Variants in GYS1 observed in about 807,000 individuals in gnomAD.
GYS1 encodes the protein glycogen synthase 1, also known as glycogen [starch] synthase, muscle.
GYS1 carries 60 observed loss-of-function variants against 89.1 expected under a neutral mutation model. The observed-to-expected ratio is 0.67, with a 90% confidence interval of 0.55 to 0.84. The LOEUF (loss-of-function observed/expected upper bound fraction) is 0.84. GYS1 is among the 40% of genes least tolerant of loss of function. The pLI is 0.00. For synonymous variants in GYS1, 366 were observed against 401.7 expected (o/e 0.91, Z 1.06); for missense variants, 888 against 1,003.1 (o/e 0.89, Z 1.55).
chr19:48,982,707 A>G lies in GYS1; in HGVS notation c.941+13T>C. On this transcript the variant is annotated intron_variant, in intron 6 of 15. Coordinates refer to ENST00000323798, the MANE Select transcript of GYS1 (RefSeq NM_002103.5). Reference sequence around the variant, plus strand: ...CCCTCCTCTCTTAAGACCTAGGTATATGCCCCACGTACCCATAAAAATGGC... The same window carrying G: ...CCCTCCTCTCTTAAGACCTAGGTATGTGCCCCACGTACCCATAAAAATGGC... The G allele has an allele frequency of 6.6e-7, 1 of 1,518,164 alleles. No homozygotes were observed. 94.0% of individuals were successfully genotyped at this position (1,518,164 alleles called of 1,614,324 possible).
At position 48,982,423 on chromosome 19, in the gene GYS1, G is replaced by C. The variant is rs781185611; in HGVS notation, c.942-48C>G. ...TAAAGCCCAAAGCCCTCACCCGCTA[G>C]CCCTGGCCTCAAAACTACAAATCCC... On this transcript the variant is annotated intron_variant, in intron 6 of 15. Coordinates refer to ENST00000323798, the MANE Select transcript of GYS1 (RefSeq NM_002103.5). The C allele has an allele frequency of 3.1e-6, 5 of 1,611,796 alleles. No homozygotes were observed. The Admixed American group carries it at 6.7e-5, about 22-fold the overall frequency.
chr19:48,985,586 G>C lies in GYS1; in HGVS notation c.698C>G (p.Ala233Gly). Residue 233 changes from alanine (A) to glycine (G), a missense_variant, in exon 5 of 16, where the codon GCA becomes GGA. Transcript: ENST00000323798. The part of the protein sequence containing the change: ...NLENFNVDKE[A>G]GERQIYHRYC... ...TCGGTGGTAGATCTGCCTCTCCCCTGCTTCCTTGTCCACGTTGAACTGGGT... is the reference window on the plus strand; with the variant it reads ...TCGGTGGTAGATCTGCCTCTCCCCTCCTTCCTTGTCCACGTTGAACTGGGT... The C allele has an allele frequency of 6.2e-7, 1 of 1,614,060 alleles. No individual in the cohort carries two copies. The highest frequency in any genetic ancestry group is 8.5e-7 in the Non-Finnish European group (1 of 1,179,996).
At chr19:48,972,587 T>A (rs1331926494) in intron 12 of GYS1, among the ~76,000 whole-genome samples, 1 of 151,954 alleles carries the variant, frequency 6.6e-6, no homozygotes, top group African/African-American at 2.4e-5. Context: ...CAAACGATTC[T>A]CCCACCTCAA....
chr19:48,969,902 C>T lies in GYS1; in HGVS notation c.1810-47G>A, dbSNP rs187926274. 5,341 of 1,337,964 alleles carry T rather than the reference C, an allele frequency of 4.0e-3. 25 individuals carry two copies. Among genetic ancestry groups the T allele is most frequent in the Non-Finnish European group, 4.4e-3 (4,070 of 930,108 alleles). 82.9% of individuals were successfully genotyped at this position (1,337,964 alleles called of 1,614,324 possible). A position where few individuals can be genotyped will look rare whatever the true frequency, so the allele number is the denominator to read the frequency against. On this transcript the variant is annotated intron_variant, in intron 14 of 15. Coordinates refer to ENST00000323798, the MANE Select transcript of GYS1 (RefSeq NM_002103.5). ...GGCAGAGGATGTGAGAGCCAGGCCC[C>T]ACCCCCAGGCAGATGATGGGGGTCT... is the stretch of plus-strand genomic sequence containing the variant.
In GYS1 at chr19:48,985,934, T is replaced by C. The variant is rs2038836512; in HGVS notation, c.594A>G (p.Val198=). The C allele has an allele frequency of 6.2e-7, 1 of 1,614,192 alleles. No individual in the cohort carries two copies. The highest frequency in any genetic ancestry group is 8.5e-7 in the Non-Finnish European group (1 of 1,180,046). ...TGGCATGGGTGGTGAAGATGGTTGC[T>C]ACAGGCAGTCGCCGGGCACGACACA... ...LCLCRARRLP[V]ATIFTTHATL... Residue 198 remains valine (V), a synonymous_variant, in exon 4 of 16, where the codon GTA becomes GTG. Transcript: ENST00000323798.
chr19:48,986,163 C>T (rs929416651), intron 3 of GYS1, 128 bp from the exon 4 acceptor site: 3 of 825,374 alleles, frequency 3.6e-6, no homozygotes, highest in East Asian at 2.7e-5. Context: ...GGGCAGCGGC[C>T]CACTGCAGCA....
At chr19:48,971,172 G>A (rs905808434) in intron 12 of GYS1, 149 bp from the exon 13 acceptor site, 5 of 701,344 alleles carry the variant, frequency 7.1e-6, no homozygotes, top group Non-Finnish European at 1.1e-5. Flanking sequence ...CAACCAGGCT[G>A]TGCATTTCCC....
At chr19:48,975,365 C>T (rs2038630090) in intron 10 of GYS1, among the ~76,000 whole-genome samples, 1 of 151,758 alleles carries the variant, frequency 6.6e-6, no homozygotes, top group Non-Finnish European at 1.5e-5. Context: ...TGAGCCACCA[C>T]ACCTGGCCTG....
At position 48,969,056 on chromosome 19, in the gene GYS1, G is replaced by A. The variant is rs1306521454; in HGVS notation, c.*232C>T. 1 of 651,024 alleles carries A rather than the reference G, an allele frequency of 1.5e-6. No individual in the cohort carries two copies. Among genetic ancestry groups the A allele is most frequent in the South Asian group, 1.6e-5 (1 of 61,214 alleles). 40.3% of individuals were successfully genotyped at this position (651,024 alleles called of 1,614,324 possible). A position where few individuals can be genotyped will look rare whatever the true frequency, so the allele number is the denominator to read the frequency against. ...GCGGTCCAGGCCCAGGGGACTCCAG[G>A]GCGCTGATTATGCATATTCTGGAGC... On this transcript the variant is annotated 3_prime_UTR_variant, in exon 16 of 16. Coordinates refer to ENST00000323798, the MANE Select transcript of GYS1 (RefSeq NM_002103.5).
At chr19:48,976,770 C>CGT (rs374689058) in intron 10 of GYS1, among the ~76,000 whole-genome samples, 87 of 151,748 alleles carry the variant, frequency 5.7e-4, no homozygotes, top group East Asian at 4.5e-3. Flanking sequence ...TTCCTTCTTT[C>CGT]GTGTGTGTGT....
intron 12 of GYS1, 72 bp from the exon 13 acceptor site, chr19:48,971,095 C>T: frequency 9.9e-7 from 1 of 1,006,904 alleles, no homozygotes; most frequent in Non-Finnish European, 1.6e-6. Context: ...ATAGACGCCT[C>T]AACACCGCCC....
intron 10 of GYS1, among the ~76,000 whole-genome samples, chr19:48,976,297 C>G (rs2038649495): frequency 6.6e-6 from 1 of 152,088 alleles, no homozygotes; most frequent in African/African-American, 2.4e-5. Context: ...CCAATGTAGA[C>G]CACAAGTACT....
chr19:48,975,594 G>A (rs1172251183), intron 10 of GYS1, among the ~76,000 whole-genome samples: 2 of 152,084 alleles, frequency 1.3e-5, no homozygotes, highest in Admixed American at 1.3e-4. Flanking sequence ...ATGGCAGCAA[G>A]CTTTGGAGAC....
chr19:48,973,920 T>A (rs970032425), intron 12 of GYS1, among the ~76,000 whole-genome samples: 4 of 152,178 alleles, frequency 2.6e-5, no homozygotes, highest in African/African-American at 9.7e-5. Flanking sequence ...CACTCGGCTG[T>A]ATTTGTGAAT....
At position 48,969,274 on chromosome 19, in the gene GYS1, G is replaced by A; in HGVS notation, c.*14C>T. 1 of 1,532,420 alleles carries A rather than the reference G, an allele frequency of 6.5e-7. No homozygotes were observed. Among genetic ancestry groups the A allele is most frequent in the Non-Finnish European group, 8.7e-7 (1 of 1,145,096 alleles). 94.9% of individuals were successfully genotyped at this position (1,532,420 alleles called of 1,614,324 possible). A position where few individuals can be genotyped will look rare whatever the true frequency, so the allele number is the denominator to read the frequency against. ...CAGAGAGGCAGGACAGGCGGGGAGT[G>A]TGGTGGGGCGGACTTAGTTACGCTC... On this transcript the variant is annotated 3_prime_UTR_variant, in exon 16 of 16. Coordinates refer to ENST00000323798, the MANE Select transcript of GYS1 (RefSeq NM_002103.5).
chr19:48,973,327 A>ATTAT (rs2038594550), intron 12 of GYS1, among the ~76,000 whole-genome samples: 2 of 149,668 alleles, frequency 1.3e-5, no homozygotes, highest in African/African-American at 4.9e-5. Context: ...CCAGTCTTGG[A>ATTAT]TTTTTTTTTT....
intron 3 of GYS1, 25 bp from the exon 4 acceptor site, chr19:48,986,060 C>G (rs751490960): frequency 2.5e-6 from 4 of 1,609,978 alleles, no homozygotes; most frequent in African/African-American, 1.3e-5. Flanking sequence ...GACAGGGCCA[C>G]TGTCTCCACG....
chr19:48,969,912 C>A (rs771012945), intron 14 of GYS1, 57 bp from the exon 15 acceptor site: 8 of 1,196,316 alleles, frequency 6.7e-6, no homozygotes, highest in Non-Finnish European at 1.0e-5. Context: ...CACCCCCAGG[C>A]AGATGATGGG....
intron 10 of GYS1, among the ~76,000 whole-genome samples, chr19:48,975,233 ATT>A (rs554660546): frequency 2.5e-4 from 34 of 134,780 alleles, no homozygotes; most frequent in African/African-American, 4.6e-4. Context: ...GCTCAGCCTA[ATT>A]TTTTTTTTTT....
Sources: gnomAD v4.1 joint callset for allele counts (sites outside exome capture counted in the v4.1 genomes callset) on GRCh38, gnomAD v4.1.1 for gene constraint, MANE v1.5 for transcripts, NCBI Gene and HGNC (gene_info 2026-07-23, HGNC 2026-07-21) for gene names.